The following PDZRN4 variants were observed in gnomAD, a reference collection of about 807,000 sequenced individuals.
PDZRN4 encodes the protein PDZ domain-containing RING finger protein 4.
A neutral mutation model predicts 99.0 loss-of-function variants in PDZRN4; 70 were observed. The observed-to-expected ratio is 0.71, with a 90% CI of 0.58 to 0.86. The LOEUF (loss-of-function observed/expected upper bound fraction) is 0.86, where lower values mean the gene tolerates loss of function less well. Among genes scored for constraint, PDZRN4 ranks in the 40% least tolerant of loss-of-function variants. PDZRN4 has a pLI of 0.00. For synonymous variants in PDZRN4, 551 were observed against 501.6 expected (o/e 1.10, Z -1.32); for missense variants, 1,474 against 1,331.2 (o/e 1.11, Z -1.67).
intron 3 of PDZRN4, chr12:41,477,974 G>A: frequency 8.8e-7 from 1 of 1,135,704 alleles, no homozygotes; most frequent in Non-Finnish European, 1.3e-6. Flanking sequence ...TTATCAGTGA[G>A]CGAATTAATC....
chr12:41,406,098 C>A (rs11180898), intron 3 of PDZRN4, among the ~76,000 whole-genome samples: 5,311 of 151,378 alleles, frequency 0.035, 130 homozygotes, highest in African/African-American at 0.075. Flanking sequence ...CTAAAAAAAA[C>A]CAAAATATTT....
chr12:41,372,094 T>C (rs1030516357), intron 3 of PDZRN4, among the ~76,000 whole-genome samples: 2 of 152,026 alleles, frequency 1.3e-5, no homozygotes, highest in Non-Finnish European at 1.5e-5. Context: ...TTGCATAATT[T>C]TTCCCCTAAA....
intron 3 of PDZRN4, among the ~76,000 whole-genome samples, chr12:41,291,838 G>C (rs968598610): frequency 4.7e-5 from 7 of 150,400 alleles, no homozygotes; most frequent in African/African-American, 1.7e-4. Context: ...CCCTAATGTA[G>C]TCATTTCATT....
intron 5 of PDZRN4, among the ~76,000 whole-genome samples, chr12:41,546,843 AT>A (rs1199334022): frequency 1.3e-5 from 2 of 152,152 alleles, no homozygotes; most frequent in Non-Finnish European, 2.9e-5. Flanking sequence ...TAACATTGCT[AT>A]TTTTAAAATA....
intron 8 of PDZRN4, among the ~76,000 whole-genome samples, chr12:41,565,601 A>C (rs1939355353): frequency 6.6e-6 from 1 of 151,656 alleles, no homozygotes; most frequent in African/African-American, 2.4e-5. Context: ...AAACATTTTT[A>C]ACGTTTCAAA....
intron 3 of PDZRN4, among the ~76,000 whole-genome samples, chr12:41,235,161 AATTT>A (rs1951057485): frequency 6.6e-6 from 1 of 152,146 alleles, no homozygotes; most frequent in South Asian, 2.1e-4. Context: ...TGAGCACTGT[AATTT>A]TATGTTGTTC....
chr12:41,490,632 C>T (rs1937866347), intron 3 of PDZRN4, among the ~76,000 whole-genome samples: 1 of 152,096 alleles, frequency 6.6e-6, no homozygotes, highest in Non-Finnish European at 1.5e-5. Context: ...ATCTCCCCCA[C>T]AGGAGCACCT....
At chr12:41,528,394 T>C (rs765539711) in intron 5 of PDZRN4, among the ~76,000 whole-genome samples, 4 of 152,240 alleles carry the variant, frequency 2.6e-5, no homozygotes, top group Non-Finnish European at 5.9e-5. Flanking sequence ...AACTTTTTCT[T>C]TATTTTCTCT....
chr12:41,428,140 A>G (rs1952553667), intron 3 of PDZRN4, among the ~76,000 whole-genome samples: 2 of 152,118 alleles, frequency 1.3e-5, no homozygotes, highest in South Asian at 2.1e-4. Flanking sequence ...TTCCTATCCC[A>G]CTACCTGCCT....
chr12:41,348,585 T>G (rs1311491129), intron 3 of PDZRN4, among the ~76,000 whole-genome samples: 2 of 152,074 alleles, frequency 1.3e-5, no homozygotes, highest in Non-Finnish European at 2.9e-5. Flanking sequence ...AATTATTAAT[T>G]TTATTAGATC....
intron 7 of PDZRN4, among the ~76,000 whole-genome samples, 171 bp downstream of exon 7, chr12:41,555,931 G>T (rs1000241046): frequency 2.6e-5 from 4 of 151,802 alleles, no homozygotes; most frequent in African/African-American, 9.7e-5. Flanking sequence ...AGGATGGTGC[G>T]ATATATTAAG....
chr12:41,360,866 C>A (rs979226746), intron 3 of PDZRN4, among the ~76,000 whole-genome samples: 1 of 151,760 alleles, frequency 6.6e-6, no homozygotes, highest in Non-Finnish European at 1.5e-5. Flanking sequence ...GGTTTTCTAC[C>A]TTATTGCAGG....
chr12:41,546,391 A>G (rs865789753), intron 5 of PDZRN4, among the ~76,000 whole-genome samples: 20 of 152,288 alleles, frequency 1.3e-4, no homozygotes, highest in Middle Eastern at 6.8e-3. Flanking sequence ...GGTGTAGTGT[A>G]TTCTTGGTTA....
At chr12:41,552,833 C>A (rs1322914319) in intron 6 of PDZRN4, 79 bp downstream of exon 6, 5 of 1,111,428 alleles carry the variant, frequency 4.5e-6, no homozygotes, top group Non-Finnish European at 6.8e-6. Flanking sequence ...TGAGAAAACC[C>A]TTCCTTCAGA....
At chr12:41,472,303 C>T (rs1953001588) in intron 3 of PDZRN4, among the ~76,000 whole-genome samples, 5 of 151,988 alleles carry the variant, frequency 3.3e-5, no homozygotes, top group Admixed American at 2.6e-4. Context: ...GCGCCTGGCC[C>T]TGTATTACTT....
chr12:41,450,548 T>G (rs1952766052), intron 3 of PDZRN4, among the ~76,000 whole-genome samples: 1 of 152,238 alleles, frequency 6.6e-6, no homozygotes, highest in African/African-American at 2.4e-5. Context: ...ATATCTTTAC[T>G]GTCTTGCTTA....
chr12:41,323,475 T>A (rs1343672099), intron 3 of PDZRN4, among the ~76,000 whole-genome samples: 7 of 152,072 alleles, frequency 4.6e-5, no homozygotes, highest in Admixed American at 4.6e-4. Flanking sequence ...TTGAAATTGC[T>A]TCCAAGATAA....
rs575675795 is a variant in PDZRN4 at position 41,280,111 on chromosome 12, G to A, written c.843+85923G>A. ...TCGCCTCACCTGGGAAGCACAAGGG[G>A]TCAGAAAAATCCCTCCTTTTGCCAA... On this transcript the variant is annotated intron_variant, in intron 3 of 9. Coordinates refer to ENST00000402685, the MANE Select transcript of PDZRN4 (RefSeq NM_001164595.2). Among the ~76,000 whole-genome samples, 23 of 152,290 alleles carry A rather than the reference G, an allele frequency of 1.5e-4. No homozygotes were observed. The South Asian group carries it at 4.8e-3, about 32-fold the overall frequency.
intron 3 of PDZRN4, among the ~76,000 whole-genome samples, chr12:41,326,321 A>G (rs1172106454): frequency 2.0e-5 from 3 of 152,118 alleles, no homozygotes. Flanking sequence ...ATGCACTTAC[A>G]TGACAACATA....
Sources: allele counts gnomAD v4.1 joint callset (sites outside exome capture counted in the v4.1 genomes callset), GRCh38; gene constraint gnomAD v4.1.1; transcripts MANE v1.5; gene names NCBI Gene and HGNC (gene_info 2026-07-23, HGNC 2026-07-21).